GSAP: variants seen among roughly 807,000 people sequenced by gnomAD.
The protein encoded by GSAP is gamma-secretase-activating protein.
Under a neutral mutation model 131.7 loss-of-function variants are expected in GSAP, and 118 were observed. That is an observed-to-expected ratio of 0.90 (90% CI 0.77 to 1.04). The LOEUF is 1.04. Ranked by LOEUF, GSAP falls within the 50% of genes least tolerant of loss-of-function variation. GSAP has a pLI of 0.00. For missense variants in GSAP, 1,019 were observed against 1,013.2 expected (o/e 1.01, Z -0.08); for synonymous variants, 381 against 363.4 (o/e 1.05, Z -0.55).
intron 18 of GSAP, among the ~76,000 whole-genome samples, chr7:77,349,673 G>A (rs1011709616): frequency 5.9e-5 from 9 of 151,466 alleles, no homozygotes; most frequent in Non-Finnish European, 1.3e-4. Context: ...GAAATAGAGA[G>A]CAAATAGGGT....
intron 6 of GSAP, among the ~76,000 whole-genome samples, chr7:77,382,896 A>G (rs952852230): frequency 7.2e-5 from 11 of 152,144 alleles, no homozygotes; most frequent in Non-Finnish European, 1.6e-4. Context: ...TTTAACAGTA[A>G]GGCTTCTGGC....
chr7:77,374,949 A>C, intron 11 of GSAP, 109 bp downstream of exon 11: 1 of 550,186 alleles, frequency 1.8e-6, no homozygotes, highest in Non-Finnish European at 3.2e-6. Flanking sequence ...AAAGATGCAC[A>C]CAGAATATCA....
intron 5 of GSAP, among the ~76,000 whole-genome samples, chr7:77,390,170 G>C (rs188237374): frequency 0.013 from 2,026 of 152,248 alleles, 21 homozygotes; most frequent in Non-Finnish European, 0.015. Flanking sequence ...GTTCATTGTA[G>C]ATTCTGGATA....
intron 1 of GSAP, among the ~76,000 whole-genome samples, chr7:77,414,844 CTTTTTTTT>C (rs57095326): frequency 6.7e-4 from 40 of 59,876 alleles, no homozygotes; most frequent in East Asian, 1.4e-3. Context: ...ATGTGGGCGA[CTTTTTTTT>C]TTTTTTTTTT....
chr7:77,375,391 T>C (rs142689489), intron 10 of GSAP, among the ~76,000 whole-genome samples: 30 of 152,320 alleles, frequency 2.0e-4, no homozygotes, highest in African/African-American at 5.1e-4. Flanking sequence ...GGTTGTACAA[T>C]AGGCCAATTG....
intron 27 of GSAP, among the ~76,000 whole-genome samples, chr7:77,313,847 T>C (rs1338721958): frequency 6.6e-6 from 1 of 152,228 alleles, no homozygotes; most frequent in African/African-American, 2.4e-5. Context: ...ATTGAATAAT[T>C]TGAGTGATTA....
In GSAP at chr7:77,314,501, G is replaced by A. The variant is rs760318640; in HGVS notation, c.2090-12C>T. 8.1e-6 allele frequency: 13 copies of A among 1,613,084 alleles called. No individual in the cohort carries two copies. In the Admixed American group the frequency reaches 1.5e-4, roughly 19 times the overall value. ...CAGAGTATGAAAACCTAGGATGAGA[G>A]ATCTGGAGGGTAAACACAGTCAGCC... On this transcript the variant is annotated splice_polypyrimidine_tract_variant and intron_variant, in intron 26 of 30. Coordinates refer to ENST00000257626, the MANE Select transcript of GSAP (RefSeq NM_017439.4).
chr7:77,320,875 A>T (rs1787548895), intron 25 of GSAP, 56 bp from the exon 26 acceptor site: 1 of 1,071,206 alleles, frequency 9.3e-7, no homozygotes, highest in African/African-American at 1.5e-5. Flanking sequence ...GTGATGCTCC[A>T]TTTGTCCTAA....
chr7:77,407,781 A>G (rs758197611), intron 1 of GSAP, among the ~76,000 whole-genome samples: 1 of 152,218 alleles, frequency 6.6e-6, no homozygotes, highest in Non-Finnish European at 1.5e-5. Flanking sequence ...CAAAAGAAAT[A>G]TATACATATA....
chr7:77,347,112 C>T (rs907851932), intron 19 of GSAP, among the ~76,000 whole-genome samples: 2 of 152,154 alleles, frequency 1.3e-5, no homozygotes, highest in East Asian at 1.9e-4. Flanking sequence ...GGTGGTGAAT[C>T]GAAAGAGGGC....
chr7:77,323,654 G>T lies in GSAP; in HGVS notation c.1916C>A (p.Ser639Ter). Residue 639 changes from serine to a stop codon, truncating the protein, a stop_gained, in exon 24 of 31, where the codon TCA becomes TAA. Transcript: ENST00000257626. LOFTEE classifies it high-confidence loss of function. ...KIEQMVLDYI[S>*]KLLDLICHIV... ...ATAAAAAGCAAGACCAACCAGTTTTGAAATGTAGTCCAGAACCATCTGTTC... is the reference window on the plus strand; with the variant it reads ...ATAAAAAGCAAGACCAACCAGTTTTTAAATGTAGTCCAGAACCATCTGTTC... The T allele has an allele frequency of 2.5e-6, 4 of 1,572,084 alleles. No individual in the cohort carries two copies. The highest frequency in any genetic ancestry group is 1.1e-5 in the South Asian group (1 of 89,226).
At chr7:77,366,316 A>G (rs1258265235) in intron 12 of GSAP, among the ~76,000 whole-genome samples, 1 of 152,158 alleles carries the variant, frequency 6.6e-6, no homozygotes, top group Non-Finnish European at 1.5e-5. Flanking sequence ...GCCCATTCCT[A>G]TGACTAGGAT....
At chr7:77,354,610 C>T (rs950935410) in intron 16 of GSAP, among the ~76,000 whole-genome samples, 1 of 151,520 alleles carries the variant, frequency 6.6e-6, no homozygotes, top group Non-Finnish European at 1.5e-5. Context: ...CAAAGAAAGG[C>T]TTGAGTCAAA....
chr7:77,393,674 C>CT (rs773138759), intron 5 of GSAP, among the ~76,000 whole-genome samples: 4,959 of 133,410 alleles, frequency 0.037, 253 homozygotes, highest in African/African-American at 0.11. Context: ...TATATACTTT[C>CT]TTTTTTTTTT....
intron 24 of GSAP, among the ~76,000 whole-genome samples, chr7:77,321,604 C>T (rs1036980650): frequency 6.6e-6 from 1 of 152,184 alleles, no homozygotes. Flanking sequence ...CAGAAACTAA[C>T]AAAGCATCCT....
intron 14 of GSAP, among the ~76,000 whole-genome samples, chr7:77,357,643 C>CA (rs2150890868): frequency 1.3e-5 from 2 of 152,140 alleles, no homozygotes; most frequent in Middle Eastern, 3.4e-3. Flanking sequence ...ATTAAAACCT[C>CA]AAAAAAATAA....
chr7:77,375,703 T>A (rs1310991960), intron 10 of GSAP, among the ~76,000 whole-genome samples: 1 of 151,758 alleles, frequency 6.6e-6, no homozygotes. Flanking sequence ...AATTAGCTGG[T>A]CATGGTGACA....
intron 22 of GSAP, chr7:77,328,217 C>T: frequency 9.9e-7 from 1 of 1,008,530 alleles, no homozygotes; most frequent in South Asian, 4.5e-5. Flanking sequence ...CAATTTTTAA[C>T]CCAAATGAGA....
At position 77,390,946 on chromosome 7, in the gene GSAP, T is replaced by TAAAAAAAAA. The variant is rs71085453; in HGVS notation, c.368-3507_368-3499dup. ...CCTGGTGACAGAGCGAGACTCCGTC[T>TAAAAAAAAA]AAAAAAAAAAAAAAAAAAAAAAAAA... On this transcript the variant is annotated intron_variant, in intron 5 of 30. Coordinates refer to ENST00000257626, the MANE Select transcript of GSAP (RefSeq NM_017439.4). Among the ~76,000 whole-genome samples, 19 of 37,942 alleles carry TAAAAAAAAA rather than the reference T, an allele frequency of 5.0e-4. 8 individuals carry two copies. Among genetic ancestry groups the TAAAAAAAAA allele is most frequent in the Non-Finnish European group, 5.9e-4 (11 of 18,636 alleles). The allele number at this position is 37,942 out of a possible 152,430, so 24.9% of individuals were successfully genotyped here.
Sources: gnomAD v4.1 joint callset for allele counts (sites outside exome capture counted in the v4.1 genomes callset) on GRCh38, gnomAD v4.1.1 for gene constraint, MANE v1.5 for transcripts, NCBI Gene and HGNC (gene_info 2026-07-23, HGNC 2026-07-21) for gene names.